The following RABGAP1L variants were observed in gnomAD, a reference collection of about 807,000 sequenced individuals.
RABGAP1L encodes RAB GTPase activating protein 1 like, also known as rab GTPase-activating protein 1-like.
In RABGAP1L, 63 loss-of-function variants were observed where a neutral mutation model predicts 137.7. The ratio of observed to expected loss-of-function variants is 0.46; its 90% CI spans 0.37 to 0.56. The LOEUF is 0.56. Among genes scored for constraint, RABGAP1L ranks in the 20% least tolerant of loss-of-function variants. The pLI, the probability that RABGAP1L is intolerant of heterozygous loss-of-function variation, is 0.00. For synonymous variants in RABGAP1L, 431 were observed against 433.7 expected, an observed-to-expected ratio of 0.99 and a Z score of 0.08; for missense variants, 1,095 against 1,244.0, an observed-to-expected ratio of 0.88 and a Z score of 1.80.
At chr1:174,688,864 C>T (rs1678662750) in intron 15 of RABGAP1L, among the ~76,000 whole-genome samples, 2 of 151,910 alleles carry the variant, frequency 1.3e-5, no homozygotes, top group African/African-American at 2.4e-5. Flanking sequence ...TTCCATTCTG[C>T]ATAAAGTTCA....
intron 13 of RABGAP1L, among the ~76,000 whole-genome samples, chr1:174,520,973 C>T (rs1002390947): frequency 5.3e-5 from 8 of 152,138 alleles, no homozygotes; most frequent in African/African-American, 1.9e-4. Context: ...TGCACTCCAG[C>T]GTGGCGACAT....
intron 17 of RABGAP1L, among the ~76,000 whole-genome samples, chr1:174,720,259 A>AGATT (rs1681396495): frequency 1.6e-5 from 2 of 124,016 alleles, no homozygotes; most frequent in Admixed American, 1.5e-4. Context: ...GTAGATAGAT[A>AGATT]GATAGATAGA....
intron 13 of RABGAP1L, among the ~76,000 whole-genome samples, chr1:174,529,551 C>T (rs898589187): frequency 2.0e-5 from 3 of 151,832 alleles, no homozygotes; most frequent in African/African-American, 7.3e-5. Flanking sequence ...TTTGGTGTGC[C>T]TGTTCCTGGG....
intron 19 of RABGAP1L, among the ~76,000 whole-genome samples, chr1:174,913,903 A>G (rs1405687183): frequency 6.6e-6 from 1 of 152,224 alleles, no homozygotes; most frequent in Admixed American, 6.5e-5. Flanking sequence ...AATAACTTTG[A>G]GGAACACTCT....
At chr1:174,858,953 G>A (rs932061915) in intron 19 of RABGAP1L, among the ~76,000 whole-genome samples, 5 of 152,284 alleles carry the variant, frequency 3.3e-5, no homozygotes, top group African/African-American at 1.2e-4. Context: ...ATTTTACACT[G>A]TTGATGGGAG....
intron 23 of RABGAP1L, 123 bp from the exon 24 acceptor site, chr1:174,982,711 C>T: frequency 1.0e-6 from 1 of 969,348 alleles, no homozygotes; most frequent in Non-Finnish European, 1.5e-6. Flanking sequence ...CAGTGCTATT[C>T]ATTTGTAAAA....
chr1:174,758,078 C>T (rs1256233426), intron 18 of RABGAP1L, among the ~76,000 whole-genome samples: 1 of 151,732 alleles, frequency 6.6e-6, no homozygotes, highest in African/African-American at 2.4e-5. Flanking sequence ...GGCTTTTCAG[C>T]CCTTTCCAGT....
At chr1:174,162,763 T>TTTTTC (rs1664579665) in intron 1 of RABGAP1L, among the ~76,000 whole-genome samples, 1 of 143,242 alleles carries the variant, frequency 7.0e-6, no homozygotes, top group Non-Finnish European at 1.5e-5. Context: ...CTTTTTTTTT[T>TTTTTC]TTTTTCTCTT....
At chr1:174,638,567 C>G (rs1032837934) in intron 14 of RABGAP1L, among the ~76,000 whole-genome samples, 9 of 150,488 alleles carry the variant, frequency 6.0e-5, no homozygotes, top group African/African-American at 2.0e-4. Flanking sequence ...AATCATGCTG[C>G]TGTAAAGACA....
At chr1:174,927,025 A>T (rs1000033715) in intron 19 of RABGAP1L, among the ~76,000 whole-genome samples, 2 of 151,440 alleles carry the variant, frequency 1.3e-5, no homozygotes, top group Non-Finnish European at 2.9e-5. Context: ...GTGAGCTGAG[A>T]TTGCACCACT....
intron 12 of RABGAP1L, among the ~76,000 whole-genome samples, chr1:174,384,094 C>G (rs951074516): frequency 6.6e-6 from 1 of 152,146 alleles, no homozygotes; most frequent in African/African-American, 2.4e-5. Context: ...TGCTACTGAG[C>G]AATTAAAAGA....
chr1:174,948,375 A>T (rs189240974), intron 19 of RABGAP1L, among the ~76,000 whole-genome samples: 7 of 151,974 alleles, frequency 4.6e-5, no homozygotes, highest in Admixed American at 4.6e-4. Context: ...ACAAAAAATT[A>T]GCCAGGTATG....
chr1:174,228,958 G>A (rs1396256544), intron 3 of RABGAP1L, among the ~76,000 whole-genome samples: 1 of 152,026 alleles, frequency 6.6e-6, no homozygotes, highest in African/African-American at 2.4e-5. Context: ...ACACGGAGAT[G>A]GATGCTCTCT....
chr1:174,219,624 A>C (rs961114486), intron 2 of RABGAP1L, among the ~76,000 whole-genome samples: 2 of 152,194 alleles, frequency 1.3e-5, no homozygotes, highest in Non-Finnish European at 2.9e-5. Context: ...TTAGAAGTTA[A>C]TTAAATGTTT....
chr1:174,960,415 G>C (rs1558284621), intron 20 of RABGAP1L, among the ~76,000 whole-genome samples: 1 of 152,056 alleles, frequency 6.6e-6, no homozygotes. Flanking sequence ...ATATCTTCAT[G>C]GTTAGGTTAT....
intron 13 of RABGAP1L, among the ~76,000 whole-genome samples, chr1:174,549,816 A>G (rs534824992): frequency 4.8e-4 from 73 of 152,324 alleles, no homozygotes; most frequent in African/African-American, 1.7e-3. Context: ...GCAGAAGACA[A>G]GACAGTTTAT....
At chr1:174,951,447 G>C (rs1201053981) in intron 19 of RABGAP1L, among the ~76,000 whole-genome samples, 2 of 152,192 alleles carry the variant, frequency 1.3e-5, no homozygotes, top group African/African-American at 2.4e-5. Flanking sequence ...GCTTAAAACT[G>C]TTAGGAAATT....
chr1:174,598,130 G>A (rs1413527040), intron 13 of RABGAP1L, among the ~76,000 whole-genome samples: 2 of 151,934 alleles, frequency 1.3e-5, no homozygotes, highest in Non-Finnish European at 2.9e-5. Context: ...GGAGATCAAG[G>A]CTATCCTGGC....
chr1:174,866,111 GAGAGA>G (rs1651172901), intron 19 of RABGAP1L, among the ~76,000 whole-genome samples: 1 of 1,996 alleles, frequency 5.0e-4, no homozygotes, highest in Non-Finnish European at 1.1e-3. Context: ...GAGGGAGGGG[GAGAGA>G]GAGAGAGAGA....
Sources: gnomAD v4.1 joint callset for allele counts (sites outside exome capture counted in the v4.1 genomes callset) on GRCh38, gnomAD v4.1.1 for gene constraint, MANE v1.5 for transcripts, NCBI Gene and HGNC (gene_info 2026-07-23, HGNC 2026-07-21) for gene names.